MYO1B: variants seen among roughly 807,000 people sequenced by gnomAD.
MYO1B encodes unconventional myosin-Ib.
In MYO1B, 72 loss-of-function variants were observed where a neutral mutation model predicts 159.7. The observed-to-expected ratio is 0.45, with a 90% CI of 0.37 to 0.55. The LOEUF (loss-of-function observed/expected upper bound fraction) is 0.55, where lower values mean the gene tolerates loss of function less well. Among genes scored for constraint, MYO1B ranks in the 20% least tolerant of loss-of-function variants. The pLI, the probability that MYO1B is intolerant of heterozygous loss-of-function variation, is 0.00. For missense variants in MYO1B, 1,062 were observed against 1,364.8 expected (o/e 0.78, Z 3.50); for synonymous variants, 468 against 473.8 (o/e 0.99, Z 0.16).
intron 3 of MYO1B, among the ~76,000 whole-genome samples, chr2:191,318,328 G>T (rs1287282097): frequency 6.6e-6 from 1 of 152,140 alleles, no homozygotes; most frequent in Admixed American, 6.6e-5. Context: ...AAGCTTTTAG[G>T]ATTTGATTCT....
chr2:191,411,571 A>T (rs1697250505), intron 27 of MYO1B, among the ~76,000 whole-genome samples: 1 of 152,214 alleles, frequency 6.6e-6, no homozygotes, highest in Non-Finnish European at 1.5e-5. Context: ...TGCCATAGCA[A>T]GCAAGGTCAG....
intron 1 of MYO1B, among the ~76,000 whole-genome samples, chr2:191,258,990 C>T (rs1686634641): frequency 6.6e-6 from 1 of 152,176 alleles, no homozygotes; most frequent in African/African-American, 2.4e-5. Context: ...AGAAAATGCC[C>T]CTTCCTTACC....
chr2:191,324,447 A>G (rs1364421338), intron 3 of MYO1B, among the ~76,000 whole-genome samples: 1 of 152,110 alleles, frequency 6.6e-6, no homozygotes, highest in Non-Finnish European at 1.5e-5. Flanking sequence ...ATATACCTTA[A>G]CTTTTTAGAA....
chr2:191,386,514 T>TAAA (rs199649994), intron 16 of MYO1B, among the ~76,000 whole-genome samples: 1 of 38,954 alleles, frequency 2.6e-5, no homozygotes, highest in Non-Finnish European at 3.2e-4. Context: ...TTTACTTTTT[T>TAAA]AAAACACTTA....
At chr2:191,377,382 T>C (rs1168654177) in intron 13 of MYO1B, 2 of 152,148 alleles carry the variant, frequency 1.3e-5, no homozygotes, top group African/African-American at 4.8e-5. Flanking sequence ...GGAGCATGGG[T>C]GGAAAACTGG....
intron 13 of MYO1B, among the ~76,000 whole-genome samples, chr2:191,374,969 G>A (rs977452474): frequency 2.6e-5 from 4 of 152,230 alleles, no homozygotes; most frequent in South Asian, 2.1e-4. Flanking sequence ...ATTTCAGCTC[G>A]TTTTCTACAT....
At chr2:191,296,415 A>G (rs980198973) in intron 3 of MYO1B, among the ~76,000 whole-genome samples, 189 bp downstream of exon 3, 17 of 152,162 alleles carry the variant, frequency 1.1e-4, no homozygotes, top group African/African-American at 4.1e-4. Context: ...ACTTCATTTG[A>G]CGTCAGACTT....
At chr2:191,373,923 C>A (rs1231181613) in intron 13 of MYO1B, among the ~76,000 whole-genome samples, 4 of 151,814 alleles carry the variant, frequency 2.6e-5, no homozygotes, top group African/African-American at 9.7e-5. Context: ...CTTTTTAAGC[C>A]TTCTCAGATT....
chr2:191,357,777 A>G (rs1693398384), intron 7 of MYO1B, among the ~76,000 whole-genome samples: 1 of 152,204 alleles, frequency 6.6e-6, no homozygotes, highest in Non-Finnish European at 1.5e-5. Flanking sequence ...ACTTTGAGTA[A>G]TTATTTGGTA....
intron 7 of MYO1B, among the ~76,000 whole-genome samples, chr2:191,353,183 C>A (rs1014549449): frequency 1.3e-5 from 2 of 152,038 alleles, no homozygotes; most frequent in African/African-American, 4.8e-5. Context: ...ACATTTGTTT[C>A]AATAGAGAAG....
rs748789902 is a variant in MYO1B, at chr2:191,390,402, G to C, written c.1892G>C (p.Gly631Ala). 1.2e-6 allele frequency: 2 copies of C among 1,614,244 alleles called. No individual in the cohort carries two copies. Among genetic ancestry groups the C allele is most frequent in the Non-Finnish European group, 1.7e-6 (2 of 1,180,038 alleles). Residue 631 changes from glycine to alanine, a missense_variant, in exon 18 of 31, where the codon GGC becomes GCC. Gly to Ala is a moderately conservative substitution (Grantham distance 60). This residue lies in a region of MYO1B where 609 missense variants were observed against 744.4 expected (regional missense o/e 0.82). Coordinates refer to ENST00000392318, the MANE Select transcript of MYO1B (RefSeq NM_001130158.3). Reference protein sequence around the residue: ...LLENVRVRRAGYAFRQAYEPC... With the variant: ...LLENVRVRRAAYAFRQAYEPC... ...GAGAACGTCCGAGTGCGGAGGGCAGGCTACGCCTTCAGGCAGGCCTATGAA... is the reference window on the plus strand; with the variant it reads ...GAGAACGTCCGAGTGCGGAGGGCAGCCTACGCCTTCAGGCAGGCCTATGAA...
intron 1 of MYO1B, among the ~76,000 whole-genome samples, chr2:191,271,645 G>A (rs73981523): frequency 1.3e-5 from 2 of 152,032 alleles, no homozygotes; most frequent in Non-Finnish European, 2.9e-5. Flanking sequence ...GTGTTTCAAC[G>A]TATACATTGT....
chr2:191,419,812 A>C (rs544063713), intron 30 of MYO1B, among the ~76,000 whole-genome samples: 6 of 152,258 alleles, frequency 3.9e-5, no homozygotes, highest in Middle Eastern at 3.4e-3. Flanking sequence ...TAAAATTTTA[A>C]AAATAGAGAA....
intron 21 of MYO1B, among the ~76,000 whole-genome samples, chr2:191,397,589 CT>C (rs1328093603): frequency 3.3e-5 from 5 of 150,698 alleles, no homozygotes; most frequent in Non-Finnish European, 7.4e-5. Context: ...CCCATGTCTA[CT>C]TCTATCCACA....
intron 3 of MYO1B, among the ~76,000 whole-genome samples, chr2:191,316,493 CAT>C (rs891057772): frequency 6.6e-6 from 1 of 152,050 alleles, no homozygotes; most frequent in African/African-American, 2.4e-5. Flanking sequence ...AGAGAACAGT[CAT>C]ATGTGAGTGA....
intron 2 of MYO1B, among the ~76,000 whole-genome samples, chr2:191,287,866 C>CT (rs11324783): frequency 6.0e-4 from 86 of 142,394 alleles, no homozygotes; most frequent in Non-Finnish European, 7.9e-4. Context: ...TGATCTCAGT[C>CT]TTTTTTTTTT....
intron 13 of MYO1B, 71 bp from the exon 14 acceptor site, chr2:191,381,391 G>A (rs1374904560): frequency 9.5e-7 from 1 of 1,057,528 alleles, no homozygotes; most frequent in Non-Finnish European, 1.5e-6. Context: ...GGATTGAGAT[G>A]TCTGAGTGTC....
At position 191,386,045 on chromosome 2, in the gene MYO1B, G is replaced by A; in HGVS notation, c.1515G>A (p.Leu505=). 1 of 1,614,086 alleles carries A rather than the reference G, an allele frequency of 6.2e-7. No individual in the cohort carries two copies. The highest frequency in any genetic ancestry group is 8.5e-7 in the Non-Finnish European group (1 of 1,180,006). ...CTCGGTTCCTCAATGACACGTCTCT[G>A]CCTCACAGCTGCTTCAGGATCCAGC... ...KCSRFLNDTS[L]PHSCFRIQHY... Residue 505 remains leucine, a synonymous_variant, in exon 16 of 31, where the codon CTG becomes CTA. Transcript: ENST00000392318.
chr2:191,407,603 G>C (rs1697004021), intron 24 of MYO1B: 1 of 152,186 alleles, frequency 6.6e-6, no homozygotes, highest in Non-Finnish European at 1.5e-5. Context: ...AGATGATAGA[G>C]AAGAATTAAT....
Sources: gnomAD v4.1 joint callset for allele counts (sites outside exome capture counted in the v4.1 genomes callset) on GRCh38, gnomAD v4.1.1 for gene constraint, gnomAD v4.1.1 regional missense constraint, MANE v1.5 for transcripts, NCBI Gene and HGNC (gene_info 2026-07-23, HGNC 2026-07-21) for gene names.